The following LPIN1 variants were observed in gnomAD, a reference collection of about 807,000 sequenced individuals.
LPIN1 encodes phosphatidate phosphatase LPIN1.
A neutral mutation model predicts 107.5 loss-of-function variants in LPIN1; 71 were observed. The ratio of observed to expected loss-of-function variants is 0.66; its 90% confidence interval spans 0.55 to 0.80. The LOEUF is 0.80. LPIN1 is among the 30% of genes least tolerant of loss of function. The probability of loss-of-function intolerance (pLI) is 0.00; values close to 1 mark genes in which losing one functional copy is unlikely to be tolerated. For synonymous variants in LPIN1, 445 were observed against 452.6 expected, an observed-to-expected ratio of 0.98 and a Z score of 0.21; for missense variants, 1,043 against 1,160.6, an observed-to-expected ratio of 0.90 and a Z score of 1.47.
At chr2:11,754,101 G>C (rs1252322755) in intron 1 of LPIN1, among the ~76,000 whole-genome samples, 4 of 152,198 alleles carry the variant, frequency 2.6e-5, no homozygotes, top group African/African-American at 9.6e-5. Flanking sequence ...GCCTTCCCTA[G>C]AGGAAGGGTG....
At chr2:11,810,073 CAGAG>C (rs1473134899) in intron 17 of LPIN1, among the ~76,000 whole-genome samples, 1 of 152,202 alleles carries the variant, frequency 6.6e-6, no homozygotes, top group East Asian at 1.9e-4. Flanking sequence ...AGTCCAAACT[CAGAG>C]GGAGCCCCTA....
chr2:11,821,886 C>T (rs183289036), intron 20 of LPIN1, among the ~76,000 whole-genome samples: 41 of 152,286 alleles, frequency 2.7e-4, no homozygotes, highest in African/African-American at 5.8e-4. Flanking sequence ...CTGCAGAAGG[C>T]GAGGCAGTGC....
rs1352405353 is a variant in LPIN1, at chr2:11,804,451, A to G, written c.2042A>G (p.Asn681Ser). The G allele has an allele frequency of 2.5e-6, 4 of 1,614,254 alleles. No homozygotes were observed. The highest frequency in any genetic ancestry group is 2.7e-5 in the African/African-American group (2 of 75,060). The change falls in exon 16 of 21, where the codon AAC becomes AGC. Residue 681 changes from asparagine to serine, a missense_variant. Asn to Ser is a conservative substitution (Grantham distance 46). Coordinates refer to ENST00000674199, the MANE Select transcript of LPIN1 (RefSeq NM_001349206.2). ...LKSLKLKNGP[N>S]DVVFSVTTQY... ...AGCTTGAAGTTGAAGAATGGCCCCA[A>G]CGACGTGGTTTTCAGTGTCACCACG...
intron 1 of LPIN1, among the ~76,000 whole-genome samples, chr2:11,677,886 C>G (rs970865439): frequency 2.6e-5 from 4 of 152,260 alleles, no homozygotes; most frequent in Non-Finnish European, 4.4e-5. Flanking sequence ...GATAGGTGAC[C>G]GGCCCCGCTT....
chr2:11,779,554 A>G lies in LPIN1; in HGVS notation c.866A>G (p.Asp289Gly). The G allele has an allele frequency of 6.2e-7, 1 of 1,614,070 alleles. No homozygotes were observed. The highest frequency in any genetic ancestry group is 8.5e-7 in the Non-Finnish European group (1 of 1,180,022). ...SGSRPSTPKS[D>G]SELVSKSTER... ...TCCCGACCTTCAACACCTAAAAGTG[A>G]TTCAGAATTGGTCAGCAAGTCCACG... Residue 289 changes from aspartate (D) to glycine (G), a missense_variant, in exon 7 of 21, where the codon GAT (aspartate) becomes GGT (glycine). Transcript: ENST00000674199.
At chr2:11,796,840 T>G (rs1322783792) in intron 14 of LPIN1, among the ~76,000 whole-genome samples, 1 of 152,200 alleles carries the variant, frequency 6.6e-6, no homozygotes, top group Non-Finnish European at 1.5e-5. Flanking sequence ...AGTGGTTGTT[T>G]ACTGCACAAG....
rs528814435 is a variant in LPIN1 at position 11,784,881 on chromosome 2, T to G, written c.1359-5T>G. On this transcript the variant is annotated splice_polypyrimidine_tract_variant and splice_region_variant and intron_variant, in intron 9 of 20. Transcript: ENST00000674199. ...GCCGGTCTCTGCCGCTTTTCCTCCT[T>G]CCAGCGGAGATCCTTCCGGACTCGC... The G allele has an allele frequency of 6.2e-7, 1 of 1,613,758 alleles. No individual in the cohort carries two copies. Among genetic ancestry groups the G allele is most frequent in the South Asian group, 1.1e-5 (1 of 91,078 alleles).
chr2:11,700,346 T>A (rs1273085747), intron 1 of LPIN1, among the ~76,000 whole-genome samples: 1 of 152,216 alleles, frequency 6.6e-6, no homozygotes, highest in Non-Finnish European at 1.5e-5. Context: ...ATGGGGCATC[T>A]CCCTTCTGGG....
At chr2:11,689,834 G>A (rs1320686652) in intron 1 of LPIN1, among the ~76,000 whole-genome samples, 1 of 152,220 alleles carries the variant, frequency 6.6e-6, no homozygotes, top group Non-Finnish European at 1.5e-5. Flanking sequence ...GAACCCGGGA[G>A]GTGGAGGTTG....
rs1247157666 is a variant in LPIN1, at chr2:11,784,944, C to A, written c.1417C>A (p.Gln473Lys). The change falls in exon 10 of 21, where the codon CAG becomes AAG. Residue 473 changes from glutamine (Q) to lysine (K), a missense_variant. Coordinates refer to ENST00000674199, the MANE Select transcript of LPIN1 (RefSeq NM_001349206.2). ...ASDNGARSANQSPQSVGSSGV... is the reference protein window; with the variant it reads ...ASDNGARSANKSPQSVGSSGV... ...CGACAACGGAGCCCGGTCAGCCAAC[C>A]AGTCCCCGCAGTCGGTGGGCAGCTC... 1 of 1,613,984 alleles carries A rather than the reference C, an allele frequency of 6.2e-7. No homozygotes were observed. Among genetic ancestry groups the A allele is most frequent in the Non-Finnish European group, 8.5e-7 (1 of 1,180,022 alleles).
chr2:11,794,321 G>A (rs1464590128), intron 13 of LPIN1, among the ~76,000 whole-genome samples: 1 of 152,158 alleles, frequency 6.6e-6, no homozygotes, highest in East Asian at 1.9e-4. Context: ...ATTAAGTGGA[G>A]TGCCGCTATA....
rs373395346 is a variant in LPIN1, at chr2:11,681,183, C to CT, written c.81+3456dup. On this transcript the variant is annotated intron_variant, in intron 1 of 21. Transcript: ENST00000449576. ...TGCATTTGTCTCTGTATGAAGAACT[C>CT]TGAGTTCAGTCTTCCTTTAGTCACT... Among the ~76,000 whole-genome samples, 7 of 152,320 alleles carry CT rather than the reference C, an allele frequency of 4.6e-5. No homozygotes were observed. In the East Asian group the frequency reaches 1.4e-3, roughly 29 times the overall value.
chr2:11,726,139 T>C (rs1033066924), intron 1 of LPIN1, among the ~76,000 whole-genome samples: 5 of 152,198 alleles, frequency 3.3e-5, no homozygotes, highest in African/African-American at 7.2e-5. Flanking sequence ...TGGACCATCA[T>C]AGAAGCCCTT....
At chr2:11,678,903 C>T (rs762659386) in intron 1 of LPIN1, among the ~76,000 whole-genome samples, 47 of 152,312 alleles carry the variant, frequency 3.1e-4, no homozygotes, top group Non-Finnish European at 6.6e-4. Context: ...CTCTCGGGAG[C>T]CCCGTGCAGG....
Position 11,771,459 on chromosome 2 carries a change from G to C in LPIN1, c.376G>C (p.Asp126His), listed in dbSNP as rs1671825836. Residue 126 changes from aspartate to histidine, a missense_variant, in exon 4 of 21, where the codon GAC (aspartate) becomes CAC (histidine). Asp to His is a moderately conservative substitution (Grantham distance 81). Coordinates refer to ENST00000674199, the MANE Select transcript of LPIN1 (RefSeq NM_001349206.2). The surrounding 1 kb of genome is among the most constrained non-coding windows in gnomAD (Gnocchi z 4.8). The part of the protein sequence containing the change: ...MECQLKRGSV[D>H]RMRGLDPSTP... ...ATGCCAGCTGAAAAGGGGCTCTGTG[G>C]ACAGGATGAGAGGCCTGGACCCCAG... The C allele has an allele frequency of 6.2e-7, 1 of 1,614,264 alleles. No individual in the cohort carries two copies. Among genetic ancestry groups the C allele is most frequent in the Non-Finnish European group, 8.5e-7 (1 of 1,180,048 alleles).
At position 11,803,703 on chromosome 2, in the gene LPIN1, C is replaced by T. The variant is rs1168695471; in HGVS notation, c.2013+670C>T. Among the ~76,000 whole-genome samples, 1 of 152,054 alleles carries T rather than the reference C, an allele frequency of 6.6e-6. No individual in the cohort carries two copies. The highest frequency in any genetic ancestry group is 1.5e-5 in the Non-Finnish European group (1 of 67,998). On this transcript the variant is annotated intron_variant, in intron 15 of 20. Transcript: ENST00000674199. The surrounding 1 kb of genome is among the most constrained non-coding windows in gnomAD (Gnocchi z 4.2). ...ACCCACTCAGGCCATGTGTGGGACC[C>T]TGCAGCCTGGGGGTCTCTGTGTGAC...
chr2:11,678,630 G>A (rs1029308688), intron 1 of LPIN1, among the ~76,000 whole-genome samples: 1 of 152,184 alleles, frequency 6.6e-6, no homozygotes, highest in Non-Finnish European at 1.5e-5. Flanking sequence ...AGCACTTGTC[G>A]CCTGTCACTT....
chr2:11,687,518 A>G (rs1161789930), intron 1 of LPIN1, among the ~76,000 whole-genome samples: 1 of 152,180 alleles, frequency 6.6e-6, no homozygotes, highest in Non-Finnish European at 1.5e-5. Flanking sequence ...ACTTGGGAAG[A>G]GTTTGTTATT....
At chr2:11,758,457 G>T (rs1669017500) in intron 1 of LPIN1, among the ~76,000 whole-genome samples, 1 of 151,746 alleles carries the variant, frequency 6.6e-6, no homozygotes, top group Non-Finnish European at 1.5e-5. Flanking sequence ...TTCTTAAATA[G>T]TAGCCATCTT....
Sources: allele counts gnomAD v4.1 joint callset (sites outside exome capture counted in the v4.1 genomes callset), GRCh38; gene constraint gnomAD v4.1.1; non-coding constraint Gnocchi (gnomAD v3.1); transcripts MANE v1.5; gene names NCBI Gene and HGNC (gene_info 2026-07-23, HGNC 2026-07-21).